PCDH15: variants seen among roughly 807,000 people sequenced by gnomAD.
The protein encoded by PCDH15 is protocadherin related 15.
PCDH15 carries 129 observed loss-of-function variants against 178.5 expected under a neutral mutation model. That is an observed-to-expected ratio of 0.72 (90% CI 0.63 to 0.84). The LOEUF is 0.84. PCDH15 is among the 40% of genes least tolerant of loss of function. The probability of loss-of-function intolerance (pLI) is 0.00; values close to 1 mark genes in which losing one functional copy is unlikely to be tolerated. For missense variants in PCDH15, 2,230 were observed against 2,099.9 expected, an observed-to-expected ratio of 1.06 and a Z score of -1.21; for synonymous variants, 800 against 732.0, an observed-to-expected ratio of 1.09 and a Z score of -1.50.
intron 6 of PCDH15, among the ~76,000 whole-genome samples, chr10:54,340,052 T>C (rs1941947191): frequency 2.0e-5 from 3 of 152,196 alleles, no homozygotes; most frequent in Non-Finnish European, 4.4e-5. Context: ...AGGTCTTTCT[T>C]ACCATGTTTT....
In PCDH15 at chr10:55,002,466, C is replaced by T. The variant is rs551221618; in HGVS notation, c.-79-104966G>A. Among the ~76,000 whole-genome samples the T allele has an allele frequency of 3.3e-5, 5 of 152,182 alleles. No individual in the cohort carries two copies. The South Asian group carries it at 1.0e-3, about 32-fold the overall frequency. ...CACAGTACTTTCACTAGAGTGCTAG[C>T]AATTAGATGTATGCAAGGAGTAACC... On this transcript the variant is annotated intron_variant, in intron 2 of 5. Transcript: ENST00000458638.
chr10:55,159,790 A>G (rs1839012885), intron 2 of PCDH15, among the ~76,000 whole-genome samples: 1 of 148,302 alleles, frequency 6.7e-6, no homozygotes, highest in African/African-American at 2.4e-5. Flanking sequence ...TAAGAGATAT[A>G]TATAAAGATA....
intron 3 of PCDH15, among the ~76,000 whole-genome samples, chr10:54,526,277 A>G (rs1458789461): frequency 6.6e-6 from 1 of 152,208 alleles, no homozygotes; most frequent in African/African-American, 2.4e-5. Context: ...ATTAAAACAA[A>G]TTTGCTTAGG....
At chr10:55,419,306 G>T (rs1838561216) in intron 2 of PCDH15, among the ~76,000 whole-genome samples, 2 of 151,718 alleles carry the variant, frequency 1.3e-5, no homozygotes, top group Non-Finnish European at 3.0e-5. Context: ...CTTAGTTGTA[G>T]ATTGCACGGA....
intron 7 of PCDH15, among the ~76,000 whole-genome samples, chr10:54,325,656 C>T (rs1937829926): frequency 6.6e-6 from 1 of 151,804 alleles, no homozygotes; most frequent in Non-Finnish European, 1.5e-5. Flanking sequence ...GGCTGAGGCA[C>T]GAGAATAGCT....
At chr10:55,462,890 A>G (rs1839709996) in intron 2 of PCDH15, among the ~76,000 whole-genome samples, 1 of 152,100 alleles carries the variant, frequency 6.6e-6, no homozygotes, top group African/African-American at 2.4e-5. Context: ...TTCCCCCAGT[A>G]GAAGCTTGTT....
chr10:54,002,319 C>T (rs992068237), intron 20 of PCDH15, among the ~76,000 whole-genome samples: 1 of 152,004 alleles, frequency 6.6e-6, no homozygotes, highest in African/African-American at 2.4e-5. Flanking sequence ...AAACATCAGA[C>T]CTAATCTCCA....
chr10:55,095,585 T>C (rs943783420), intron 2 of PCDH15, among the ~76,000 whole-genome samples: 2 of 152,102 alleles, frequency 1.3e-5, no homozygotes, highest in East Asian at 1.9e-4. Flanking sequence ...TGTAGAGGTT[T>C]TGGAAGAATT....
At chr10:55,268,033 TGTC>T in intron 1 of PCDH15, among the ~76,000 whole-genome samples, 2 of 152,344 alleles carry the variant, frequency 1.3e-5, no homozygotes, top group Middle Eastern at 6.8e-3. Flanking sequence ...TGCGTATTGT[TGTC>T]GTGCACTGAA....
At position 54,543,589 on chromosome 10, in the gene PCDH15, TA is replaced by T. The variant is rs533073997; in HGVS notation, c.92-15713del. Among the ~76,000 whole-genome samples the T allele has an allele frequency of 1.2e-3, 180 of 152,302 alleles. 2 individuals carry two copies. Among genetic ancestry groups the T allele is most frequent in the Middle Eastern group, 6.8e-3 (2 of 294 alleles). On this transcript the variant is annotated intron_variant, in intron 2 of 37. Transcript: ENST00000644397. ...GATGTCTACCTATGTCAACTGTTTT[TA>T]AAAATAATATTTCATGTAATGAACT...
At chr10:54,004,774 T>C (rs11003994) in intron 20 of PCDH15, among the ~76,000 whole-genome samples, 14,076 of 151,556 alleles carry the variant, frequency 0.093, 1,870 homozygotes, top group African/African-American at 0.29. Flanking sequence ...CAAATACCAA[T>C]GACATTCTTC....
intron 3 of PCDH15, among the ~76,000 whole-genome samples, chr10:54,448,942 A>T (rs2076303182): frequency 6.6e-6 from 1 of 151,686 alleles, no homozygotes; most frequent in South Asian, 2.1e-4. Flanking sequence ...AGTTTCTCTC[A>T]AATTGTGATA....
chr10:54,554,940 G>T (rs2087009133), intron 2 of PCDH15, among the ~76,000 whole-genome samples: 2 of 152,222 alleles, frequency 1.3e-5, no homozygotes, highest in South Asian at 4.1e-4. Flanking sequence ...ATCAGAGGAG[G>T]AAGCTTCCTG....
intron 3 of PCDH15, among the ~76,000 whole-genome samples, chr10:54,830,981 G>T (rs1953215770): frequency 6.6e-6 from 1 of 151,950 alleles, no homozygotes; most frequent in South Asian, 2.1e-4. Context: ...TATGCAATAA[G>T]AAACCTTTTC....
At chr10:54,748,298 C>T (rs1378522702) in intron 1 of PCDH15, among the ~76,000 whole-genome samples, 1 of 152,082 alleles carries the variant, frequency 6.6e-6, no homozygotes, top group Non-Finnish European at 1.5e-5. Flanking sequence ...CTTTTATACA[C>T]GGGATAAAAT....
At chr10:54,325,241 C>G (rs1937683385) in intron 7 of PCDH15, among the ~76,000 whole-genome samples, 2 of 152,018 alleles carry the variant, frequency 1.3e-5, no homozygotes, top group Non-Finnish European at 2.9e-5. Context: ...TTGAAGGATT[C>G]TCTTCGAAAA....
At chr10:53,901,608 A>C (rs990052774) in intron 26 of PCDH15, among the ~76,000 whole-genome samples, 1 of 152,170 alleles carries the variant, frequency 6.6e-6, no homozygotes, top group Non-Finnish European at 1.5e-5. Context: ...TGTTTAAATC[A>C]TTCAAAGGCT....
intron 2 of PCDH15, among the ~76,000 whole-genome samples, chr10:54,900,924 G>A (rs572529730): frequency 6.6e-6 from 1 of 152,214 alleles, no homozygotes; most frequent in East Asian, 1.9e-4. Flanking sequence ...ATTGCTTTAG[G>A]AATTAATTAT....
At chr10:54,850,154 G>T (rs1271506041) in intron 3 of PCDH15, among the ~76,000 whole-genome samples, 2 of 152,040 alleles carry the variant, frequency 1.3e-5, no homozygotes, top group Non-Finnish European at 2.9e-5. Context: ...ACGATTTTTA[G>T]TGACTTTTAA....
Sources: allele counts gnomAD v4.1 joint callset (sites outside exome capture counted in the v4.1 genomes callset), GRCh38; gene constraint gnomAD v4.1.1; transcripts MANE v1.5; gene names NCBI Gene and HGNC (gene_info 2026-07-23, HGNC 2026-07-21).